ACTN2: variants seen among roughly 807,000 people sequenced by gnomAD.
ACTN2 encodes the protein alpha-actinin-2.
Under a neutral mutation model 113.8 loss-of-function variants are expected in ACTN2, and 39 were observed. The observed-to-expected ratio is 0.34, with a 90% CI of 0.27 to 0.45. The LOEUF (loss-of-function observed/expected upper bound fraction) is 0.45. ACTN2 is among the 20% of genes least tolerant of loss of function. The pLI, the probability that ACTN2 is intolerant of heterozygous loss-of-function variation, is 1.00. For missense variants in ACTN2, 992 were observed against 1,177.9 expected (o/e 0.84, Z 2.31); for synonymous variants, 429 against 444.1 (o/e 0.97, Z 0.43).
At chr1:236,726,092 G>T (rs1298900804) in intron 5 of ACTN2, 72 bp downstream of exon 5, 1 of 1,358,950 alleles carries the variant, frequency 7.4e-7, no homozygotes, top group South Asian at 1.2e-5. Context: ...CAGTGTTTGT[G>T]TGCACCCGTG....
At chr1:236,762,384 A>C (rs1572153147) in intron 20 of ACTN2, 77 bp from the exon 21 acceptor site, 2 of 1,579,802 alleles carry the variant, frequency 1.3e-6, no homozygotes, top group Admixed American at 3.3e-5. Context: ...CAGATGCAAG[A>C]AATATGTAAG....
Position 236,762,794 on chromosome 1 carries a change from T to C in ACTN2, c.*175T>C. 1.3e-6 allele frequency: 1 copy of C among 794,622 alleles called. No individual in the cohort carries two copies. 49.2% of individuals were successfully genotyped at this position (794,622 alleles called of 1,614,324 possible). Reference sequence around the variant, plus strand: ...TATAACACGGCTAAAATGAAGTTTTTACAGTATATGACATAGTGCGCTTCA... The same window carrying C: ...TATAACACGGCTAAAATGAAGTTTTCACAGTATATGACATAGTGCGCTTCA... On this transcript the variant is annotated 3_prime_UTR_variant, in exon 21 of 21. Transcript: ENST00000366578.
chr1:236,694,469 C>G (rs554937653), intron 1 of ACTN2, among the ~76,000 whole-genome samples: 7 of 151,952 alleles, frequency 4.6e-5, no homozygotes, highest in Admixed American at 2.0e-4. Flanking sequence ...GTGATCCACC[C>G]GCCTCGACCT....
intron 7 of ACTN2, among the ~76,000 whole-genome samples, chr1:236,733,864 G>A (rs1004649164): frequency 6.6e-6 from 1 of 152,170 alleles, no homozygotes; most frequent in Non-Finnish European, 1.5e-5. Context: ...ATTTTCAAGT[G>A]ACTCATCGGC....
At chr1:236,739,758 C>T in intron 10 of ACTN2, among the ~76,000 whole-genome samples, 1 of 152,210 alleles carries the variant, frequency 6.6e-6, no homozygotes, top group East Asian at 1.9e-4. Context: ...AAGAGCAGAC[C>T]TTTAGGAAAC....
intron 12 of ACTN2, 60 bp downstream of exon 12, chr1:236,744,836 G>A: frequency 6.2e-7 from 1 of 1,611,196 alleles, no homozygotes; most frequent in East Asian, 2.2e-5. Context: ...AGAGGGGAGA[G>A]AAAGGCCTGC....
intron 7 of ACTN2, among the ~76,000 whole-genome samples, chr1:236,731,616 A>G (rs949012591): frequency 6.6e-6 from 1 of 152,220 alleles, no homozygotes; most frequent in African/African-American, 2.4e-5. Context: ...TTAAAAAAAC[A>G]TTTCCTGTAT....
intron 1 of ACTN2, among the ~76,000 whole-genome samples, chr1:236,712,711 G>C (rs916638653): frequency 1.3e-5 from 2 of 152,074 alleles, no homozygotes; most frequent in African/African-American, 2.4e-5. Context: ...CAGACTTTCT[G>C]TGGTTTGGGG....
chr1:236,703,093 A>ATGCTGC (rs1038113437), intron 1 of ACTN2, among the ~76,000 whole-genome samples: 4 of 152,174 alleles, frequency 2.6e-5, no homozygotes, highest in African/African-American at 9.7e-5. Flanking sequence ...AGTACAATAA[A>ATGCTGC]TGCTGCTGCT....
chr1:236,718,938 A>C lies in ACTN2; in HGVS notation c.286A>C (p.Lys96Gln). ...KPDRGKMRFH[K>Q]IANVNKALDY... The stretch of plus-strand genomic sequence containing the variant: ...TGACCGGGGAAAAATGCGGTTCCAC[A>C]AAATTGCTAATGTCAACAAAGCTTT... The change falls in exon 3 of 21, where the codon AAA becomes CAA. Residue 96 changes from lysine (K) to glutamine (Q), a missense_variant. Lys to Gln is a moderately conservative substitution (Grantham distance 53). Coordinates refer to ENST00000366578, the MANE Select transcript of ACTN2 (RefSeq NM_001103.4). The C allele has an allele frequency of 6.2e-7, 1 of 1,614,248 alleles. No individual in the cohort carries two copies. The highest frequency in any genetic ancestry group is 8.5e-7 in the Non-Finnish European group (1 of 1,180,046).
Position 236,721,014 on chromosome 1 carries a change from T to TGG in ACTN2, c.448+824_448+825insGG, listed in dbSNP as rs796082728. Among the ~76,000 whole-genome samples the TGG allele has an allele frequency of 3.4e-3, 107 of 31,170 alleles. 1 individual carries two copies. Among genetic ancestry groups the TGG allele is most frequent in the South Asian group, 5.2e-3 (4 of 766 alleles). The allele number at this position is 31,170 out of a possible 152,430, so 20.4% of individuals were successfully genotyped here. On this transcript the variant is annotated intron_variant, in intron 4 of 20. Transcript: ENST00000366578. Reference sequence around the variant, plus strand: ...CACAGTAGCCTCTGACTCTGGTTTTTGTTTTTTGTTTTTTTTTTTTTTTTT... The same window carrying TGG: ...CACAGTAGCCTCTGACTCTGGTTTTTGGGTTTTTTGTTTTTTTTTTTTTTTTT...
At chr1:236,753,851 T>TCCCCC in intron 15 of ACTN2, 96 bp from the exon 16 acceptor site, 131 of 966,874 alleles carry the variant, frequency 1.4e-4, no homozygotes, top group South Asian at 4.0e-4. Context: ...CCTTCTCCAC[T>TCCCCC]CCCACCCCCA....
At chr1:236,711,851 CAA>C (rs966446447) in intron 1 of ACTN2, among the ~76,000 whole-genome samples, 3 of 152,106 alleles carry the variant, frequency 2.0e-5, no homozygotes, top group Non-Finnish European at 4.4e-5. Context: ...AAGTTGAAAA[CAA>C]GAGAGGAGGT....
In ACTN2 at chr1:236,758,452, A is replaced by ATT. The variant is rs774302653; in HGVS notation, c.2301+836_2301+837dup. Among the ~76,000 whole-genome samples, 412 of 128,368 alleles carry ATT rather than the reference A, an allele frequency of 3.2e-3. 2 individuals carry two copies. Among genetic ancestry groups the ATT allele is most frequent in the African/African-American group, 0.011 (373 of 33,856 alleles). 84.2% of individuals were successfully genotyped at this position (128,368 alleles called of 152,430 possible). ...AGGCACCTGCCACCATGCCTGGCTA[A>ATT]TTTTTTTTTTTTTTTTTCAGTAGAG... On this transcript the variant is annotated intron_variant, in intron 18 of 20. Transcript: ENST00000366578.
rs959054607 is a variant in ACTN2 at position 236,764,395 on chromosome 1, T to G, written c.*1776T>G. The G allele has an allele frequency of 6.6e-6, 1 of 152,194 alleles. No individual in the cohort carries two copies. Among genetic ancestry groups the G allele is most frequent in the Non-Finnish European group, 1.5e-5 (1 of 68,034 alleles). The allele number at this position is 152,194 out of a possible 1,614,324, so 9.4% of individuals were successfully genotyped here. A position where few individuals can be genotyped will look rare whatever the true frequency, so the allele number is the denominator to read the frequency against. ...GGCTATTAGGGGGCTCTGTGGTGTT[T>G]TAGGATGGGTGTGGGTAACTCATCT... On this transcript the variant is annotated 3_prime_UTR_variant, in exon 21 of 21. Transcript: ENST00000366578.
chr1:236,721,015 G>GGGTTTTTTTTTTT lies in ACTN2; in HGVS notation c.448+824_448+825insGGTTTTTTTTTTT. On this transcript the variant is annotated intron_variant, in intron 4 of 20. Coordinates refer to ENST00000366578, the MANE Select transcript of ACTN2 (RefSeq NM_001103.4). ...ACAGTAGCCTCTGACTCTGGTTTTT[G>GGGTTTTTTTTTTT]TTTTTTGTTTTTTTTTTTTTTTTTT... 2.8e-4 allele frequency among the ~76,000 whole-genome samples: 14 copies of GGGTTTTTTTTTTT among 49,136 alleles called. 1 individual carries two copies. Among genetic ancestry groups the GGGTTTTTTTTTTT allele is most frequent in the South Asian group, 8.7e-4 (1 of 1,146 alleles). The allele number at this position is 49,136 out of a possible 152,430, so 32.2% of individuals were successfully genotyped here. A position where few individuals can be genotyped will look rare whatever the true frequency, so the allele number is the denominator to read the frequency against.
chr1:236,732,138 AGTC>A (rs1446331888), intron 7 of ACTN2, among the ~76,000 whole-genome samples: 17 of 152,274 alleles, frequency 1.1e-4, no homozygotes, highest in Non-Finnish European at 2.2e-4. Flanking sequence ...GATTATAGTC[AGTC>A]GTCAATCTTC....
In ACTN2 at chr1:236,757,646, C is replaced by T. The variant is rs1337476710; in HGVS notation, c.2301+14C>T. On this transcript the variant is annotated intron_variant, in intron 18 of 20. Transcript: ENST00000366578. ...CACTTTGACAGGGTACCACTCTCTA[C>T]TTATTTGAAGGGCAATACTGGGGAC... 1.2e-6 allele frequency: 2 copies of T among 1,614,028 alleles called. No individual in the cohort carries two copies. The highest frequency in any genetic ancestry group is 3.3e-5 in the Admixed American group (2 of 60,014).
intron 8 of ACTN2, 35 bp downstream of exon 8, chr1:236,735,755 ACT>A (rs756423860): frequency 1.9e-6 from 3 of 1,582,526 alleles, no homozygotes; most frequent in African/African-American, 2.7e-5. Context: ...CTGTTGTGTT[ACT>A]CTCTGTTGGT....
Sources: allele counts gnomAD v4.1 joint callset (sites outside exome capture counted in the v4.1 genomes callset), GRCh38; gene constraint gnomAD v4.1.1; transcripts MANE v1.5; gene names NCBI Gene and HGNC (gene_info 2026-07-23, HGNC 2026-07-21).